Variants in ANO10 observed in about 807,000 individuals in gnomAD.
ANO10 encodes anoctamin-10.
A neutral mutation model predicts 74.7 loss-of-function variants in ANO10; 77 were observed. That is an observed-to-expected ratio of 1.03 (90% CI 0.86 to 1.25). The LOEUF (loss-of-function observed/expected upper bound fraction) is 1.25. Among genes scored for constraint, ANO10 ranks in the 50% most tolerant of loss-of-function variants. The pLI is 0.00. For synonymous variants in ANO10, 279 were observed against 284.9 expected (o/e 0.98, Z 0.21); for missense variants, 721 against 778.1 (o/e 0.93, Z 0.87).
rs529728049 is a variant in ANO10 at position 43,561,310 on chromosome 3, C to G, written c.1386G>C (p.Arg462=). 5.6e-6 allele frequency: 9 copies of G among 1,614,122 alleles called. No homozygotes were observed. In the South Asian group the frequency reaches 9.9e-5, roughly 18 times the overall value. Residue 462 remains arginine (R), a synonymous_variant, in exon 9 of 13, where the codon CGG becomes CGC. Transcript: ENST00000292246. ...PYWLQRKHGV[R]VKRKVQALKA... Reference sequence around the variant, plus strand: ...TTAAAGCCTGCACCTTCCTCTTCACCCGCACACCATGCTTCCTTTGGAGCC... The same window carrying G: ...TTAAAGCCTGCACCTTCCTCTTCACGCGCACACCATGCTTCCTTTGGAGCC...
At chr3:43,622,198 G>A (rs2083433601), upstream of ANO10, 1 of 152,486 alleles carries the variant, frequency 6.6e-6, no homozygotes, top group Non-Finnish European at 1.5e-5. Context: ...ACCTAGACTG[G>A]AACCGGTCCG....
rs543552093 is a variant in ANO10, at chr3:43,451,765, G to T, written c.1798-19038C>A. 2.0e-5 allele frequency among the ~76,000 whole-genome samples: 3 copies of T among 152,254 alleles called. No individual in the cohort carries two copies. The East Asian group carries it at 5.8e-4, about 29-fold the overall frequency. ...TAAATGAAGTTTAAAGAACACCCAAGAACTTACACATTCAAATAACTGTGG... is the reference window on the plus strand; with the variant it reads ...TAAATGAAGTTTAAAGAACACCCAATAACTTACACATTCAAATAACTGTGG... On this transcript the variant is annotated intron_variant, in intron 11 of 12. Transcript: ENST00000292246.
Position 43,366,926 on chromosome 3 carries a change from C to T in ANO10, c.1963G>A (p.Gly655Arg), listed in dbSNP as rs775593449. Residue 655 changes from glycine (G) to arginine (R), a missense_variant, in exon 13 of 13, where the codon GGG becomes AGG. Physicochemically the swap from Gly to Arg is moderately radical, Grantham distance 125. Coordinates refer to ENST00000292246, the MANE Select transcript of ANO10 (RefSeq NM_018075.5). ...GGCACTCAGGTTGCCTTCTCCTTCC[C>T]GCTTTCCATTGGTTCCTCCTTCAGG... ...ENLKEEPMESGKEKAT is the reference protein window; with the variant it reads ...ENLKEEPMESRKEKAT The T allele has an allele frequency of 2.6e-5, 41 of 1,597,370 alleles. No homozygotes were observed. Among genetic ancestry groups the T allele is most frequent in the African/African-American group, 1.1e-4 (8 of 74,764 alleles).
chr3:43,596,861 C>T (rs1468405730), intron 4 of ANO10, among the ~76,000 whole-genome samples: 1 of 152,240 alleles, frequency 6.6e-6, no homozygotes, highest in African/African-American at 2.4e-5. Context: ...TGCAATCTAT[C>T]CATCTGACAA....
rs2077670387 is a variant in ANO10, at chr3:43,515,416, G to A, written c.1797+34304C>T. 2.0e-5 allele frequency among the ~76,000 whole-genome samples: 3 copies of A among 152,174 alleles called. No homozygotes were observed. In the South Asian group the frequency reaches 6.2e-4, roughly 31 times the overall value. On this transcript the variant is annotated intron_variant, in intron 11 of 12. Coordinates refer to ENST00000292246, the MANE Select transcript of ANO10 (RefSeq NM_018075.5). ...AGCACTCACATCATGGGCTCTCCTG[G>A]TTCTTGGGTCTCCAGACTAGGACTG...
intron 10 of ANO10, among the ~76,000 whole-genome samples, chr3:43,553,522 G>C (rs974329055): frequency 6.9e-6 from 1 of 145,308 alleles, no homozygotes; most frequent in Non-Finnish European, 1.5e-5. Flanking sequence ...CTGTTGTTCA[G>C]ACTGGATAAT....
intron 12 of ANO10, among the ~76,000 whole-genome samples, chr3:43,416,925 C>T (rs904780522): frequency 7.2e-5 from 11 of 152,210 alleles, no homozygotes; most frequent in African/African-American, 2.7e-4. Flanking sequence ...GCCTCATTAA[C>T]TTATTTATGC....
At position 43,396,642 on chromosome 3, in the gene ANO10, T is replaced by C. The variant is rs114917925; in HGVS notation, c.1915-29668A>G. Reference sequence around the variant, plus strand: ...ATGAGCCACCGCACCCGGCCCATGTTTGATAAGTTTTATTGTTTTTTCTTT... The same window carrying C: ...ATGAGCCACCGCACCCGGCCCATGTCTGATAAGTTTTATTGTTTTTTCTTT... On this transcript the variant is annotated intron_variant, in intron 12 of 12. Transcript: ENST00000292246. 4.8e-3 allele frequency among the ~76,000 whole-genome samples: 725 copies of C among 151,886 alleles called. 3 individuals are homozygous for C. Among genetic ancestry groups the C allele is most frequent in the Non-Finnish European group, 8.0e-3 (543 of 67,934 alleles).
chr3:43,680,333 T>A (rs1253668427), intron 1 of ANO10, among the ~76,000 whole-genome samples: 6 of 152,132 alleles, frequency 3.9e-5, no homozygotes, highest in Admixed American at 1.3e-4. Flanking sequence ...AGAAAGGGTA[T>A]CAGTGATTGA....
At chr3:43,435,720 A>G (rs554975813) in intron 11 of ANO10, among the ~76,000 whole-genome samples, 1 of 152,304 alleles carries the variant, frequency 6.6e-6, no homozygotes, top group African/African-American at 2.4e-5. Context: ...GCTTTAATAC[A>G]CATTTTCTAT....
At chr3:43,611,416 T>A (rs1470088667) in intron 1 of ANO10, among the ~76,000 whole-genome samples, 1 of 152,236 alleles carries the variant, frequency 6.6e-6, no homozygotes, top group African/African-American at 2.4e-5. Context: ...CTTACTCTGA[T>A]TAATAGTATA....
chr3:43,666,595 G>C (rs1222521278), intron 1 of ANO10, among the ~76,000 whole-genome samples: 3 of 152,068 alleles, frequency 2.0e-5, no homozygotes, highest in Non-Finnish European at 4.4e-5. Context: ...ATCAATCATA[G>C]ATATCTATCA....
chr3:43,499,565 G>C (rs2077026665), intron 11 of ANO10, among the ~76,000 whole-genome samples: 1 of 151,788 alleles, frequency 6.6e-6, no homozygotes, highest in African/African-American at 2.4e-5. Flanking sequence ...CAGAAATGCA[G>C]GCAAACCACA....
intron 12 of ANO10, among the ~76,000 whole-genome samples, chr3:43,426,655 C>A (rs948054058): frequency 6.6e-6 from 1 of 152,152 alleles, no homozygotes; most frequent in Non-Finnish European, 1.5e-5. Context: ...TCAAATGGTT[C>A]CTGCATTAGA....
chr3:43,444,111 T>C (rs1023439674), intron 11 of ANO10, among the ~76,000 whole-genome samples: 2 of 152,172 alleles, frequency 1.3e-5, no homozygotes, highest in Middle Eastern at 3.2e-3. Flanking sequence ...TCTTCTCTCT[T>C]AAAATATAAT....
intron 11 of ANO10, among the ~76,000 whole-genome samples, chr3:43,536,364 A>T (rs1014583150): frequency 6.6e-6 from 1 of 152,212 alleles, no homozygotes; most frequent in Non-Finnish European, 1.5e-5. Context: ...AAGCACATGA[A>T]TACCCTGTGC....
intron 1 of ANO10, among the ~76,000 whole-genome samples, chr3:43,633,904 A>G (rs984299653): frequency 6.6e-6 from 1 of 151,996 alleles, no homozygotes; most frequent in African/African-American, 2.4e-5. Flanking sequence ...TAAAAAAAAA[A>G]AAACTCAGAC....
Position 43,591,164 on chromosome 3 carries a change from G to A in ANO10, c.472+7368C>T, listed in dbSNP as rs147296577. On this transcript the variant is annotated intron_variant, in intron 4 of 12. Coordinates refer to ENST00000292246, the MANE Select transcript of ANO10 (RefSeq NM_018075.5). Reference sequence around the variant, plus strand: ...CATTCTTCTGGTCCGTGTTTGCTCCGGCTCAAGCTGAGCTTTTGCTCACCA... The same window carrying A: ...CATTCTTCTGGTCCGTGTTTGCTCCAGCTCAAGCTGAGCTTTTGCTCACCA... Among the ~76,000 whole-genome samples, 140 of 152,170 alleles carry A rather than the reference G, an allele frequency of 9.2e-4. 1 individual carries two copies. Among genetic ancestry groups the A allele is most frequent in the African/African-American group, 2.7e-3 (114 of 41,522 alleles).
chr3:43,641,101 A>G (rs1174371370), intron 1 of ANO10, among the ~76,000 whole-genome samples: 2 of 152,228 alleles, frequency 1.3e-5, no homozygotes, highest in Admixed American at 1.3e-4. Context: ...ACTAAGGATA[A>G]TTATACATAA....
Sources: gnomAD v4.1 joint callset for allele counts (sites outside exome capture counted in the v4.1 genomes callset) on GRCh38, gnomAD v4.1.1 for gene constraint, MANE v1.5 for transcripts, NCBI Gene and HGNC (gene_info 2026-07-23, HGNC 2026-07-21) for gene names.